Variants in CELF2 observed in about 807,000 individuals in gnomAD.
The protein encoded by CELF2 is CUG triplet repeat RNA-binding protein 2.
A neutral mutation model predicts 62.6 loss-of-function variants in CELF2; 8 were observed. The observed-to-expected ratio is 0.13, with a 90% confidence interval of 0.07 to 0.23. The LOEUF (loss-of-function observed/expected upper bound fraction) is 0.23. Among genes scored for constraint, CELF2 ranks in the 10% least tolerant of loss-of-function variants. The probability of loss-of-function intolerance (pLI) is 1.00; values close to 1 mark genes in which losing one functional copy is unlikely to be tolerated. For missense variants in CELF2, 333 were observed against 671.0 expected (o/e 0.50, Z 5.56); for synonymous variants, 258 against 250.0 (o/e 1.03, Z -0.30).
chr10:10,902,262 T>C (rs2062989367), intron 1 of CELF2, among the ~76,000 whole-genome samples: 1 of 152,196 alleles, frequency 6.6e-6, no homozygotes, highest in African/African-American at 2.4e-5. Flanking sequence ...AAGGAAATCA[T>C]ACAGTTTTGA....
intron 1 of CELF2, among the ~76,000 whole-genome samples, chr10:11,089,340 G>A (rs539716880): frequency 6.6e-6 from 1 of 152,318 alleles, no homozygotes; most frequent in South Asian, 2.1e-4. Flanking sequence ...GGATTTTGAA[G>A]GTGAAAAGGG....
At chr10:10,755,386 C>A in the CELF2 span, among the ~76,000 whole-genome samples, 1 of 152,184 alleles carries the variant, frequency 6.6e-6, no homozygotes, top group Non-Finnish European at 1.5e-5. Flanking sequence ...CCAGCTCAAA[C>A]TGGCTTCAAC....
At chr10:10,507,471 CA>C in the CELF2 span, among the ~76,000 whole-genome samples, 1 of 151,912 alleles carries the variant, frequency 6.6e-6, no homozygotes, top group African/African-American at 2.4e-5. Context: ...GGTACAAATG[CA>C]AAAAATCTAC....
At chr10:10,527,935 T>C in the CELF2 span, among the ~76,000 whole-genome samples, 1 of 152,214 alleles carries the variant, frequency 6.6e-6, no homozygotes, top group Non-Finnish European at 1.5e-5. Flanking sequence ...CAGAGCTTTT[T>C]CATTTCATTT....
intron 1 of CELF2, among the ~76,000 whole-genome samples, chr10:11,032,121 C>T (rs1454441000): frequency 7.5e-6 from 1 of 133,336 alleles, no homozygotes; most frequent in Non-Finnish European, 1.6e-5. Flanking sequence ...GTCTTTACAT[C>T]TCCCAGCTCC....
In CELF2 at chr10:10,842,903, C is replaced by T. The variant is rs143559519; in HGVS notation, c.53+44086C>T. On this transcript the variant is annotated intron_variant, in intron 1 of 13. Coordinates refer to the CELF2 transcript ENST00000636488. ...AGTAAATTGTTGGTGGATTCACCAG[C>T]GGAACCATCTCAGCCTGGTACACTT... is the stretch of plus-strand genomic sequence containing the variant. 2.4e-3 allele frequency among the ~76,000 whole-genome samples: 365 copies of T among 152,046 alleles called. 1 individual carries two copies. Among genetic ancestry groups the T allele is most frequent in the Admixed American group, 3.9e-3 (59 of 15,258 alleles).
the CELF2 span, among the ~76,000 whole-genome samples, chr10:10,533,987 A>G: frequency 3.3e-3 from 504 of 152,312 alleles, 2 homozygotes; most frequent in Middle Eastern, 0.017. Context: ...AATCAGCAAT[A>G]AAAGAAACCA....
chr10:11,313,499 A>G (rs1183097501), intron 9 of CELF2, among the ~76,000 whole-genome samples: 1 of 152,248 alleles, frequency 6.6e-6, no homozygotes, highest in Non-Finnish European at 1.5e-5. Flanking sequence ...AACTTAGTAA[A>G]ACGGATTCAA....
chr10:11,284,190 C>T (rs62650660), intron 8 of CELF2, among the ~76,000 whole-genome samples: 2,415 of 6,776 alleles, frequency 0.36, 84 homozygotes, highest in East Asian at 0.44. Context: ...GGGATGAGTG[C>T]GTGGTGGGTG....
chr10:10,976,319 T>C (rs1337713822), intron 2 of CELF2, among the ~76,000 whole-genome samples: 1 of 152,200 alleles, frequency 6.6e-6, no homozygotes, highest in Non-Finnish European at 1.5e-5. Flanking sequence ...AGTTACACAG[T>C]GGGTGATTTG....
chr10:10,541,304 A>G, the CELF2 span, among the ~76,000 whole-genome samples: 1 of 151,722 alleles, frequency 6.6e-6, no homozygotes, highest in Non-Finnish European at 1.5e-5. Flanking sequence ...TGCTGATGTC[A>G]TATTGTTACT....
At chr10:10,663,316 G>A in the CELF2 span, among the ~76,000 whole-genome samples, 2 of 152,150 alleles carry the variant, frequency 1.3e-5, no homozygotes, top group African/African-American at 2.4e-5. Flanking sequence ...GATCGTTCAA[G>A]GGGAATTGCC....
chr10:11,246,381 C>T lies in CELF2; in HGVS notation c.355-2772C>T, dbSNP rs2075616559. On this transcript the variant is annotated intron_variant, in intron 3 of 12. Coordinates refer to ENST00000633077, the MANE Select transcript of CELF2 (RefSeq NM_001326342.2). The surrounding 1 kb of genome is among the most constrained non-coding windows in gnomAD (Gnocchi z 4.6). ...TGTCTTGAAAGGACAGATGGGTGGC[C>T]CCCATCCTCCACTGAGCTTCCTGTT... 6.6e-6 allele frequency among the ~76,000 whole-genome samples: 1 copy of T among 152,098 alleles called. No individual in the cohort carries two copies. Among genetic ancestry groups the T allele is most frequent in the East Asian group, 1.9e-4 (1 of 5,164 alleles).
chr10:10,911,316 G>C (rs117789720), intron 1 of CELF2, among the ~76,000 whole-genome samples: 2 of 152,214 alleles, frequency 1.3e-5, no homozygotes, highest in African/African-American at 4.8e-5. Context: ...CAGGGACAAA[G>C]GCACACACTT....
At chr10:10,886,175 T>C (rs2061735705) in intron 1 of CELF2, among the ~76,000 whole-genome samples, 1 of 152,206 alleles carries the variant, frequency 6.6e-6, no homozygotes, top group South Asian at 2.1e-4. Context: ...CCTTTCTTCC[T>C]TCCTCTCTTT....
chr10:11,186,377 C>T (rs1261029963), intron 2 of CELF2, among the ~76,000 whole-genome samples: 1 of 140,304 alleles, frequency 7.1e-6, no homozygotes, highest in African/African-American at 2.6e-5. Context: ...TGGGGTCTAA[C>T]TTGCTTTTAT....
At chr10:10,731,311 A>G in the CELF2 span, among the ~76,000 whole-genome samples, 2 of 152,152 alleles carry the variant, frequency 1.3e-5, no homozygotes, top group Non-Finnish European at 2.9e-5. Context: ...CATTTAGCCA[A>G]TATAGAAAAA....
chr10:10,723,954 C>G, the CELF2 span, among the ~76,000 whole-genome samples: 1 of 151,968 alleles, frequency 6.6e-6, no homozygotes, highest in Non-Finnish European at 1.5e-5. Context: ...CTCCAATGTA[C>G]CAGTAATCTT....
the CELF2 span, among the ~76,000 whole-genome samples, chr10:10,602,327 C>T: frequency 6.6e-6 from 1 of 152,094 alleles, no homozygotes; most frequent in African/African-American, 2.4e-5. Flanking sequence ...TGCAATTTTG[C>T]AAAATCTTTG....
Sources: allele counts gnomAD v4.1 joint callset (sites outside exome capture counted in the v4.1 genomes callset), GRCh38; gene constraint gnomAD v4.1.1; non-coding constraint Gnocchi (gnomAD v3.1); transcripts MANE v1.5; gene names NCBI Gene and HGNC (gene_info 2026-07-23, HGNC 2026-07-21).